KIF3C: variants seen among roughly 807,000 people sequenced by gnomAD.
KIF3C encodes the protein kinesin-like protein KIF3C.
KIF3C carries 12 observed loss-of-function variants against 67.7 expected under a neutral mutation model. The observed-to-expected ratio is 0.18, with a 90% CI of 0.11 to 0.29. KIF3C has a LOEUF of 0.29. KIF3C is among the 10% of genes least tolerant of loss of function. The pLI is 1.00. For synonymous variants in KIF3C, 393 were observed against 426.2 expected (o/e 0.92, Z 0.96); for missense variants, 789 against 1,059.6 (o/e 0.74, Z 3.55).
chr2:25,943,834 T>C (rs1028683883), intron 5 of KIF3C, among the ~76,000 whole-genome samples: 18 of 151,768 alleles, frequency 1.2e-4, no homozygotes, highest in African/African-American at 4.1e-4. Flanking sequence ...AATTGCACTT[T>C]AGCATGGGCA....
chr2:25,934,119 C>T (rs751838228), intron 5 of KIF3C: 13 of 469,928 alleles, frequency 2.8e-5, no homozygotes, highest in East Asian at 7.0e-5. Flanking sequence ...TCAGTCGCAA[C>T]GGACTACATA....
chr2:25,969,888 G>A (rs1031499444), intron 1 of KIF3C, among the ~76,000 whole-genome samples: 1 of 152,110 alleles, frequency 6.6e-6, no homozygotes, highest in African/African-American at 2.4e-5. Context: ...GCTAATTTTT[G>A]TATTTTTGGT....
intron 4 of KIF3C, 161 bp from the exon 5 acceptor site, chr2:25,952,066 C>A: frequency 1.8e-6 from 1 of 571,336 alleles, no homozygotes; most frequent in South Asian, 1.8e-5. Context: ...CCAAGGCGGG[C>A]GGATCACGAG....
rs553758192 is a variant in KIF3C at position 25,968,916 on chromosome 2, C to T, written c.1545+11457G>A. On this transcript the variant is annotated intron_variant, in intron 1 of 7. Transcript: ENST00000264712. ...TCGGCTCACCGCAACATCCGCCTTC[C>T]GGGTTCAAGTGATTCTCCTGCCTCA... Among the ~76,000 whole-genome samples, 225 of 152,144 alleles carry T rather than the reference C, an allele frequency of 1.5e-3. 1 individual carries two copies. Among genetic ancestry groups the T allele is most frequent in the African/African-American group, 5.0e-3 (209 of 41,504 alleles).
rs1015460349 is a variant in KIF3C at position 25,980,016 on chromosome 2, T to C, written c.1545+357A>G. Among the ~76,000 whole-genome samples the C allele has an allele frequency of 1.2e-4, 18 of 152,192 alleles. No individual in the cohort carries two copies. Among genetic ancestry groups the C allele is most frequent in the African/African-American group, 4.3e-4 (18 of 41,436 alleles). Reference sequence around the variant, plus strand: ...GGGAGGAAGCCTCAGGGGAGGAGGCTGTGAAGGAACAAGAACCCACATTCA... The same window carrying C: ...GGGAGGAAGCCTCAGGGGAGGAGGCCGTGAAGGAACAAGAACCCACATTCA... On this transcript the variant is annotated intron_variant, in intron 1 of 7. Transcript: ENST00000264712. The surrounding 1 kb of genome is among the most constrained non-coding windows in gnomAD (Gnocchi z 7.6).
At chr2:25,935,526 C>T (rs1021673940) in intron 5 of KIF3C, among the ~76,000 whole-genome samples, 1 of 152,060 alleles carries the variant, frequency 6.6e-6, no homozygotes, top group Non-Finnish European at 1.5e-5. Context: ...GCCACCACAC[C>T]TGGCTAATTT....
chr2:25,971,871 C>CTTTTTTTTTTTT lies in KIF3C; in HGVS notation c.1545+8490_1545+8501dup, dbSNP rs70950146. On this transcript the variant is annotated intron_variant, in intron 1 of 7. Transcript: ENST00000264712. ...TACAGGCATGCAGTACCATGCCTAG[C>CTTTTTTTTTTTT]TTTTTTTTTTTTTTTTTTTTTTTTT... is the stretch of plus-strand genomic sequence containing the variant. 1.9e-3 allele frequency among the ~76,000 whole-genome samples: 101 copies of CTTTTTTTTTTTT among 53,784 alleles called. 3 individuals carry two copies. The highest frequency in any genetic ancestry group is 3.1e-3 in the African/African-American group (43 of 13,684). The allele number at this position is 53,784 out of a possible 152,430, so 35.3% of individuals were successfully genotyped here. A position where few individuals can be genotyped will look rare whatever the true frequency, so the allele number is the denominator to read the frequency against.
intron 1 of KIF3C, among the ~76,000 whole-genome samples, chr2:25,960,897 A>G (rs1228411471): frequency 1.3e-5 from 2 of 152,186 alleles, no homozygotes; most frequent in Non-Finnish European, 2.9e-5. Context: ...GATTGCGCCA[A>G]TGCACTTTAG....
At chr2:25,932,852 A>G (rs2149221835) in intron 5 of KIF3C, among the ~76,000 whole-genome samples, 1 of 148,084 alleles carries the variant, frequency 6.8e-6, no homozygotes, top group African/African-American at 2.6e-5. Flanking sequence ...ACAAAACAAA[A>G]CAAAACAAAA....
rs145081324 is a variant in KIF3C at position 25,980,587 on chromosome 2, G to T, written c.1331C>A (p.Pro444Gln). Residue 444 changes from proline (P) to glutamine (Q), a missense_variant, in exon 1 of 8, where the codon CCG becomes CAG. Physicochemically the swap from Pro to Gln is moderately conservative, Grantham distance 76. Transcript: ENST00000264712. This position sits in a 1 kb window ranked among gnomAD's most constrained non-coding sequence, Gnocchi z 7.6. ...GGCTGACTCCAGGATGGGCTGGGGC[G>T]GGCGGTGGTTGTTGTTGTTGTCATC... ...EEDDNNNNHR[P>Q]PQPILESALE... 4 of 1,614,016 alleles carry T rather than the reference G, an allele frequency of 2.5e-6. No individual in the cohort carries two copies. The highest frequency in any genetic ancestry group is 3.4e-6 in the Non-Finnish European group (4 of 1,179,986).
chr2:25,929,170 C>T, intron 7 of KIF3C, 99 bp from the exon 8 acceptor site: 2 of 1,383,254 alleles, frequency 1.4e-6, no homozygotes, highest in Non-Finnish European at 2.0e-6. Context: ...CTGCAGGAAT[C>T]CTTCTGACAT....
chr2:25,940,650 CTTTTTT>C lies in KIF3C; in HGVS notation c.2007-10593_2007-10588del, dbSNP rs70950139. On this transcript the variant is annotated intron_variant, in intron 5 of 7. Transcript: ENST00000264712. ...AGCAGGGGCTAGAATTCAGAATGTT[CTTTTTT>C]TTTTTTTTTTTTTTTTTTGAGTCTC... is the stretch of plus-strand genomic sequence containing the variant. 1.2e-4 allele frequency among the ~76,000 whole-genome samples: 9 copies of C among 74,186 alleles called. No homozygotes were observed. In the East Asian group the frequency reaches 1.5e-3, roughly 13 times the overall value. The allele number at this position is 74,186 out of a possible 152,430, so 48.7% of individuals were successfully genotyped here.
At chr2:25,970,918 G>A (rs1346002098) in intron 1 of KIF3C, among the ~76,000 whole-genome samples, 1 of 137,120 alleles carries the variant, frequency 7.3e-6, no homozygotes, top group Admixed American at 7.9e-5. Flanking sequence ...GAGGTCAGGA[G>A]ATCGAGACCA....
intron 5 of KIF3C, among the ~76,000 whole-genome samples, chr2:25,941,932 G>T (rs1663292699): frequency 6.6e-6 from 1 of 152,114 alleles, no homozygotes; most frequent in Non-Finnish European, 1.5e-5. Flanking sequence ...AGCTACTCAG[G>T]GGGCTGAGGT....
chr2:25,965,743 T>G (rs1664125385), intron 1 of KIF3C, among the ~76,000 whole-genome samples: 1 of 151,306 alleles, frequency 6.6e-6, no homozygotes, highest in Admixed American at 6.6e-5. Context: ...GAATGTGGAG[T>G]TCCTAGTCTT....
At chr2:25,967,319 G>A (rs1664168398) in intron 1 of KIF3C, among the ~76,000 whole-genome samples, 1 of 152,152 alleles carries the variant, frequency 6.6e-6, no homozygotes, top group Admixed American at 6.6e-5. Flanking sequence ...AAATATTTGT[G>A]GGAAGGGCCC....
intron 1 of KIF3C, among the ~76,000 whole-genome samples, chr2:25,962,456 G>A (rs994514121): frequency 8.6e-5 from 13 of 151,390 alleles, no homozygotes; most frequent in African/African-American, 2.7e-4. Context: ...CTCGGCTCAC[G>A]CAACCTCCAC....
intron 1 of KIF3C, among the ~76,000 whole-genome samples, chr2:25,974,074 C>CT (rs1217775669): frequency 6.6e-6 from 1 of 152,028 alleles, no homozygotes; most frequent in Admixed American, 6.6e-5. Flanking sequence ...GTTTAATTCT[C>CT]TTTTTTTCTT....
intron 5 of KIF3C, among the ~76,000 whole-genome samples, chr2:25,942,301 T>C: frequency 6.6e-6 from 1 of 151,832 alleles, no homozygotes; most frequent in East Asian, 1.9e-4. Flanking sequence ...GAGGTTGCAG[T>C]GAGCTGAGAT....
Sources: gnomAD v4.1 joint callset for allele counts (sites outside exome capture counted in the v4.1 genomes callset) on GRCh38, gnomAD v4.1.1 for gene constraint, Gnocchi (gnomAD v3.1) non-coding constraint, MANE v1.5 for transcripts, NCBI Gene and HGNC (gene_info 2026-07-23, HGNC 2026-07-21) for gene names.